The following CACNA1D variants were observed in gnomAD, a reference collection of about 807,000 sequenced individuals.
CACNA1D encodes calcium voltage-gated channel subunit alpha1 D.
CACNA1D carries 55 observed loss-of-function variants against 257.1 expected under a neutral mutation model. The ratio of observed to expected loss-of-function variants is 0.21; its 90% CI spans 0.17 to 0.27. The LOEUF is 0.27. Among genes scored for constraint, CACNA1D ranks in the 10% least tolerant of loss-of-function variants. The pLI is 1.00. For synonymous variants in CACNA1D, 980 were observed against 1,014.9 expected, an observed-to-expected ratio of 0.97 and a Z score of 0.65; for missense variants, 1,876 against 2,784.0, an observed-to-expected ratio of 0.67 and a Z score of 7.34.
chr3:53,580,561 T>C (rs1440465519), intron 3 of CACNA1D, among the ~76,000 whole-genome samples: 1 of 152,206 alleles, frequency 6.6e-6, no homozygotes, highest in African/African-American at 2.4e-5. Context: ...GTAAGAGACA[T>C]TCACCATCTG....
chr3:53,601,010 C>T (rs748056447), intron 3 of CACNA1D, among the ~76,000 whole-genome samples: 17 of 152,168 alleles, frequency 1.1e-4, no homozygotes, highest in Non-Finnish European at 2.2e-4. Context: ...CTCCACAGTA[C>T]GTTGTAAGTT....
intron 32 of CACNA1D, 140 bp from the exon 33 acceptor site, chr3:53,772,693 T>C (rs2095372842): frequency 1.4e-6 from 1 of 694,310 alleles, no homozygotes; most frequent in African/African-American, 1.7e-5. Context: ...TAAACGGTTC[T>C]TCCTCACTGT....
Position 53,684,531 on chromosome 3 carries a change from G to A in CACNA1D, c.1220+11405G>A, listed in dbSNP as rs183870142. ...CCAGCTACTCTGGAGGCTGAGGCAG[G>A]AGAATCGCTTGAACCTGGGAGGTGG... On this transcript the variant is annotated intron_variant, in intron 8 of 47. Coordinates refer to ENST00000350061, the MANE Select transcript of CACNA1D (RefSeq NM_001128840.3). 1.9e-3 allele frequency among the ~76,000 whole-genome samples: 288 copies of A among 149,990 alleles called. 1 individual carries two copies. The highest frequency in any genetic ancestry group is 0.01 in the Middle Eastern group (3 of 290).
At chr3:53,787,425 C>CTGTGTGTGTG (rs3217446) in intron 40 of CACNA1D, among the ~76,000 whole-genome samples, 32,633 of 135,882 alleles carry the variant, frequency 0.24, 4,420 homozygotes, top group Middle Eastern at 0.29. Context: ...AGTATGTATT[C>CTGTGTGTGTG]TGTGTGTGTG....
intron 2 of CACNA1D, among the ~76,000 whole-genome samples, chr3:53,500,253 TAAAAAAAAAAA>T (rs55823212): frequency 1.7e-4 from 7 of 40,950 alleles, no homozygotes; most frequent in Middle Eastern, 0.024. Context: ...CTGTCTCTAC[TAAAAAAAAAAA>T]AAAAAAAAAA....
rs2091935395 is a variant in CACNA1D, at chr3:53,531,067, G to T, written c.483+29347G>T. ...GGTGAGGGTCTCAGTATGTTGCTTAGGCTGGTCTTGAACTCCTGGCCTCAA... is the reference window on the plus strand; with the variant it reads ...GGTGAGGGTCTCAGTATGTTGCTTATGCTGGTCTTGAACTCCTGGCCTCAA... On this transcript the variant is annotated intron_variant, in intron 3 of 47. Coordinates refer to ENST00000350061, the MANE Select transcript of CACNA1D (RefSeq NM_001128840.3). Among the ~76,000 whole-genome samples, 4 of 144,512 alleles carry T rather than the reference G, an allele frequency of 2.8e-5. No homozygotes were observed. The South Asian group carries it at 8.8e-4, about 32-fold the overall frequency. The allele number at this position is 144,512 out of a possible 152,430, so 94.8% of individuals were successfully genotyped here.
At chr3:53,763,324 T>C (rs921281813) in intron 30 of CACNA1D, among the ~76,000 whole-genome samples, 2 of 152,126 alleles carry the variant, frequency 1.3e-5, no homozygotes, top group African/African-American at 4.8e-5. Context: ...AGTGAACCAC[T>C]CTCCCTAGAA....
chr3:53,625,178 C>T (rs978722163), intron 3 of CACNA1D, among the ~76,000 whole-genome samples: 2 of 152,080 alleles, frequency 1.3e-5, no homozygotes, highest in Non-Finnish European at 2.9e-5. Flanking sequence ...CACTCACATC[C>T]GGGTCTTGAG....
chr3:53,706,354 A>G (rs538020591), intron 9 of CACNA1D, among the ~76,000 whole-genome samples: 1 of 152,206 alleles, frequency 6.6e-6, no homozygotes, highest in African/African-American at 2.4e-5. Flanking sequence ...CAGGAGGCAA[A>G]GGCTTGGGCT....
intron 4 of CACNA1D, among the ~76,000 whole-genome samples, chr3:53,655,429 C>T (rs2094138943): frequency 6.6e-6 from 1 of 152,210 alleles, no homozygotes; most frequent in Non-Finnish European, 1.5e-5. Flanking sequence ...TTCACACTCC[C>T]ACCAACAGTG....
intron 3 of CACNA1D, among the ~76,000 whole-genome samples, chr3:53,527,013 C>T (rs546125032): frequency 7.7e-4 from 117 of 152,318 alleles, no homozygotes; most frequent in Admixed American, 1.4e-3. Context: ...TTGAGGGTAA[C>T]GTGTTAGAAA....
intron 14 of CACNA1D, among the ~76,000 whole-genome samples, chr3:53,725,864 G>A (rs1463366977): frequency 2.0e-5 from 3 of 152,164 alleles, no homozygotes; most frequent in Non-Finnish European, 4.4e-5. Flanking sequence ...TCGGAAGATA[G>A]CATTTTTTTC....
intron 8 of CACNA1D, among the ~76,000 whole-genome samples, chr3:53,691,357 G>A (rs549969372): frequency 3.5e-4 from 53 of 152,040 alleles, no homozygotes; most frequent in African/African-American, 1.3e-3. Flanking sequence ...CCAGGCTGGT[G>A]TTGAGCTCCT....
rs78234945 is a variant in CACNA1D, at chr3:53,755,377, G to T, written c.3786+1695G>T. Among the ~76,000 whole-genome samples the T allele has an allele frequency of 3.6e-3, 546 of 152,290 alleles. 3 individuals are homozygous for T. The highest frequency in any genetic ancestry group is 5.9e-3 in the Non-Finnish European group (403 of 68,022). ...TGCGTGTGTGTTCATGTGTGTGCTT[G>T]CTCCCTTCAGCCGGCCAGTGCATTG... On this transcript the variant is annotated intron_variant, in intron 29 of 47. Coordinates refer to ENST00000350061, the MANE Select transcript of CACNA1D (RefSeq NM_001128840.3).
At chr3:53,804,657 G>A (rs2095553044) in intron 44 of CACNA1D, among the ~76,000 whole-genome samples, 1 of 152,214 alleles carries the variant, frequency 6.6e-6, no homozygotes, top group Non-Finnish European at 1.5e-5. Context: ...CCCAGCACCT[G>A]GCAGAGGGAA....
chr3:53,718,317 C>T lies in CACNA1D; in HGVS notation c.1407C>T (p.Ser469=), dbSNP rs146730044. The part of the protein sequence containing the change: ...EGKRNTSMPT[S]ETESVNTENV... ...TCCCCACAGCTAGCATGCCCACCAG[C>T]GAGACTGAGTCTGTGAACACAGAGA... Residue 469 remains serine (S), a synonymous_variant, in exon 10 of 48, where the codon AGC becomes AGT. Transcript: ENST00000350061. The T allele has an allele frequency of 4.0e-4, 651 of 1,614,052 alleles. No homozygotes were observed. The African/African-American group carries it at 7.6e-3, about 19-fold the overall frequency.
chr3:53,808,831 A>G, intron 46 of CACNA1D, 61 bp downstream of exon 46: 6 of 1,568,832 alleles, frequency 3.8e-6, no homozygotes, highest in Non-Finnish European at 5.2e-6. Flanking sequence ...GACCCCCATC[A>G]GGTCACTCCC....
Position 53,730,550 on chromosome 3 carries a change from T to G in CACNA1D, c.2330T>G (p.Ile777Ser), listed in dbSNP as rs1383031419. ...EEAEEKERKK[I>S]ARKESLENKK... ...GCGGAAGAAAAGGAGAGGAAAAAGA[T>G]TGCCAGGTAACCCTATTTTCCCCTG... Residue 777 changes from isoleucine (I) to serine (S), a missense_variant, in exon 16 of 48, where the codon ATT becomes AGT. Physicochemically the swap from Ile to Ser is moderately radical, Grantham distance 142. Coordinates refer to ENST00000350061, the MANE Select transcript of CACNA1D (RefSeq NM_001128840.3). The G allele has an allele frequency of 6.2e-7, 1 of 1,611,362 alleles. No homozygotes were observed. The highest frequency in any genetic ancestry group is 8.5e-7 in the Non-Finnish European group (1 of 1,177,460).
At position 53,753,808 on chromosome 3, in the gene CACNA1D, G is replaced by A. The variant is rs76619739; in HGVS notation, c.3786+126G>A. On this transcript the variant is annotated intron_variant, in intron 29 of 47. Transcript: ENST00000350061. ...CTGGCCGCTAACTGGGTTACCACCT[G>A]AGAACATTAAAATCTGATTAGAGCA... is the stretch of plus-strand genomic sequence containing the variant. 2,744 of 713,062 alleles carry A rather than the reference G, an allele frequency of 3.8e-3. 49 individuals are homozygous for A. The highest frequency in any genetic ancestry group is 0.012 in the East Asian group (441 of 37,534). 44.2% of individuals were successfully genotyped at this position (713,062 alleles called of 1,614,324 possible).
Sources: allele counts gnomAD v4.1 joint callset (sites outside exome capture counted in the v4.1 genomes callset), GRCh38; gene constraint gnomAD v4.1.1; transcripts MANE v1.5; gene names NCBI Gene and HGNC (gene_info 2026-07-23, HGNC 2026-07-21).